C9: variants seen among roughly 807,000 people sequenced by gnomAD.
C9 encodes the protein complement component C9.
C9 carries 63 observed loss-of-function variants against 65.4 expected under a neutral mutation model. The observed-to-expected ratio is 0.96, with a 90% CI of 0.79 to 1.19. C9 has a LOEUF of 1.19. Among genes scored for constraint, C9 ranks in the 50% most tolerant of loss-of-function variants. C9 has a pLI of 0.00. For missense variants in C9, 744 were observed against 670.1 expected (o/e 1.11, Z -1.22); for synonymous variants, 229 against 227.9 (o/e 1.00, Z -0.04).
At chr5:39,286,800 A>T (rs1046263281) in intron 10 of C9, among the ~76,000 whole-genome samples, 1 of 152,000 alleles carries the variant, frequency 6.6e-6, no homozygotes, top group Non-Finnish European at 1.5e-5. Context: ...TAAATCAATC[A>T]TTCTAAAATT....
intron 8 of C9, 106 bp downstream of exon 8, chr5:39,308,124 A>T: frequency 9.5e-7 from 1 of 1,056,318 alleles, no homozygotes; most frequent in Non-Finnish European, 1.5e-6. Context: ...GATAGTTTTT[A>T]AGCACAAAGA....
chr5:39,344,760 G>A (rs1246292121), intron 1 of C9, among the ~76,000 whole-genome samples: 1 of 152,120 alleles, frequency 6.6e-6, no homozygotes, highest in Non-Finnish European at 1.5e-5. Flanking sequence ...AAATGTTAAG[G>A]GCAGTCAGAG....
chr5:39,345,338 C>G (rs138460438), intron 1 of C9, among the ~76,000 whole-genome samples: 1 of 151,814 alleles, frequency 6.6e-6, no homozygotes, highest in Non-Finnish European at 1.5e-5. Flanking sequence ...ATCTACCAAG[C>G]AAATGAAAAA....
intron 5 of C9, among the ~76,000 whole-genome samples, chr5:39,327,434 T>C (rs1028820193): frequency 1.3e-5 from 2 of 152,098 alleles, no homozygotes; most frequent in South Asian, 2.1e-4. Context: ...TTAAAGGAGA[T>C]TATAATAATA....
chr5:39,333,752 C>T (rs1753893573), intron 4 of C9, among the ~76,000 whole-genome samples: 1 of 152,118 alleles, frequency 6.6e-6, no homozygotes, highest in African/African-American at 2.4e-5. Flanking sequence ...CCTGCGATTG[C>T]AGGCGCGCAC....
At chr5:39,337,193 T>C (rs1753986689) in intron 4 of C9, among the ~76,000 whole-genome samples, 1 of 152,242 alleles carries the variant, frequency 6.6e-6, no homozygotes, top group Non-Finnish European at 1.5e-5. Context: ...CTTAGCTACA[T>C]AATTAATAGT....
At chr5:39,311,420 C>G in intron 6 of C9, 43 bp from the exon 7 acceptor site, 1 of 1,595,778 alleles carries the variant, frequency 6.3e-7, no homozygotes, top group South Asian at 1.1e-5. Context: ...TGTGTTTTAT[C>G]CACCATTTCA....
At chr5:39,302,345 A>G (rs1439820949) in intron 9 of C9, among the ~76,000 whole-genome samples, 1 of 152,288 alleles carries the variant, frequency 6.6e-6, no homozygotes, top group East Asian at 1.9e-4. Flanking sequence ...ATAATCTACC[A>G]TAAAAGTGGT....
Position 39,331,669 on chromosome 5 carries a change from GACTT to G in C9, c.615+3_615+6del. On this transcript the variant is annotated splice_donor_5th_base_variant and intron_variant, in intron 5 of 10. Transcript: ENST00000263408. ...TGAACAATGTGTTTTCCTCCGAGGA[GACTT>G]ACTTCATAGATCAAAGAAGCCACGT... 4 of 1,613,462 alleles carry G rather than the reference GACTT, an allele frequency of 2.5e-6. No individual in the cohort carries two copies. The highest frequency in any genetic ancestry group is 3.4e-6 in the Non-Finnish European group (4 of 1,179,400).
intron 4 of C9, among the ~76,000 whole-genome samples, chr5:39,336,541 A>G (rs1339516253): frequency 6.6e-6 from 1 of 152,098 alleles, no homozygotes; most frequent in East Asian, 1.9e-4. Flanking sequence ...CATTACTGTA[A>G]GTAAAATTTT....
At chr5:39,307,150 T>A (rs1015920378) in intron 8 of C9, among the ~76,000 whole-genome samples, 5 of 152,184 alleles carry the variant, frequency 3.3e-5, no homozygotes, top group Non-Finnish European at 7.3e-5. Flanking sequence ...CCTTCATAAT[T>A]ATATTGTGTA....
At chr5:39,334,269 G>C (rs181681945) in intron 4 of C9, among the ~76,000 whole-genome samples, 2 of 144,950 alleles carry the variant, frequency 1.4e-5, no homozygotes, top group Admixed American at 1.4e-4. Context: ...CTGCCGCCCC[G>C]TCTGGGATGT....
In C9 at chr5:39,359,017, A is replaced by AAT. The variant is rs58599841; in HGVS notation, c.77+5369_77+5370dup. Among the ~76,000 whole-genome samples, 7 of 130,724 alleles carry AAT rather than the reference A, an allele frequency of 5.4e-5. No homozygotes were observed. The East Asian group carries it at 1.6e-3, about 31-fold the overall frequency. The allele number at this position is 130,724 out of a possible 152,430, so 85.8% of individuals were successfully genotyped here. On this transcript the variant is annotated intron_variant, in intron 1 of 10. Transcript: ENST00000263408. ...TAAATAAATAAATAAATAAATAAAA[A>AAT]ATATATATATATATATATATGTGTG... is the stretch of plus-strand genomic sequence containing the variant.
intron 1 of C9, among the ~76,000 whole-genome samples, chr5:39,351,648 C>G (rs1378323706): frequency 6.6e-6 from 1 of 152,166 alleles, no homozygotes; most frequent in African/African-American, 2.4e-5. Context: ...CCACCAGTCT[C>G]TTTGATAAAA....
chr5:39,342,651 G>A (rs537824818), intron 1 of C9, among the ~76,000 whole-genome samples: 1 of 152,172 alleles, frequency 6.6e-6, no homozygotes, highest in South Asian at 2.1e-4. Context: ...ATTTAAGCCA[G>A]CCAGCCCAGG....
chr5:39,342,724 C>T (rs915949524), intron 1 of C9, among the ~76,000 whole-genome samples: 1 of 152,116 alleles, frequency 6.6e-6, no homozygotes, highest in Admixed American at 6.5e-5. Flanking sequence ...ATTCTGTATG[C>T]CCTAAACTGG....
intron 1 of C9, among the ~76,000 whole-genome samples, chr5:39,348,698 G>A (rs1754256964): frequency 6.6e-6 from 1 of 152,202 alleles, no homozygotes; most frequent in Non-Finnish European, 1.5e-5. Context: ...TATAAGTCAT[G>A]CTGCTATAAA....
intron 9 of C9, among the ~76,000 whole-genome samples, chr5:39,303,837 T>C (rs1753329365): frequency 6.6e-6 from 1 of 152,078 alleles, no homozygotes; most frequent in Non-Finnish European, 1.5e-5. Flanking sequence ...TGTGTCTATA[T>C]GGTCCTAGTC....
chr5:39,305,376 T>C (rs1243671036), intron 9 of C9, among the ~76,000 whole-genome samples: 4 of 152,156 alleles, frequency 2.6e-5, no homozygotes, highest in African/African-American at 9.7e-5. Context: ...ATAAAGGAGA[T>C]AGTGGTTTCA....
Sources: gnomAD v4.1 joint callset for allele counts (sites outside exome capture counted in the v4.1 genomes callset) on GRCh38, gnomAD v4.1.1 for gene constraint, MANE v1.5 for transcripts, NCBI Gene and HGNC (gene_info 2026-07-23, HGNC 2026-07-21) for gene names.